COL5A2: variants seen among roughly 807,000 people sequenced by gnomAD.
COL5A2 encodes collagen alpha-2(V) chain.
A neutral mutation model predicts 208.2 loss-of-function variants in COL5A2; 23 were observed. The ratio of observed to expected loss-of-function variants is 0.11; its 90% confidence interval spans 0.08 to 0.16. The LOEUF is 0.16. Ranked by LOEUF, COL5A2 falls within the 10% of genes least tolerant of loss-of-function variation. The pLI is 1.00. For missense variants in COL5A2, 1,590 were observed against 1,956.4 expected (o/e 0.81, Z 3.53); for synonymous variants, 625 against 628.5 (o/e 0.99, Z 0.08).
chr2:189,150,919 C>A (rs1301256116), intron 1 of COL5A2, among the ~76,000 whole-genome samples: 2 of 152,098 alleles, frequency 1.3e-5, no homozygotes, highest in African/African-American at 2.4e-5. Flanking sequence ...CCATTGTATT[C>A]TCAGTTAGGT....
At chr2:189,303,502 T>C in the COL5A2 span, among the ~76,000 whole-genome samples, 1 of 152,308 alleles carries the variant, frequency 6.6e-6, no homozygotes, top group South Asian at 2.1e-4. Context: ...ACATGACTAA[T>C]ATTCCATACT....
In COL5A2 at chr2:189,062,972, C is replaced by T. The variant is rs758134404; in HGVS notation, c.1923+38G>A. 5.0e-6 allele frequency: 8 copies of T among 1,613,306 alleles called. No individual in the cohort carries two copies. In the South Asian group the frequency reaches 8.8e-5, roughly 18 times the overall value. On this transcript the variant is annotated intron_variant, in intron 28 of 53. Coordinates refer to ENST00000374866, the MANE Select transcript of COL5A2 (RefSeq NM_000393.5). Reference sequence around the variant, plus strand: ...TGAGTCTATGATAATTTAAATAGTACCTACATTATTTTTCTTTAGCAGAAA... The same window carrying T: ...TGAGTCTATGATAATTTAAATAGTATCTACATTATTTTTCTTTAGCAGAAA...
intron 1 of COL5A2, among the ~76,000 whole-genome samples, chr2:189,190,667 C>T (rs1324568058): frequency 6.6e-6 from 1 of 152,130 alleles, no homozygotes; most frequent in Admixed American, 6.5e-5. Flanking sequence ...ATTTGGGACA[C>T]TGAAATTATC....
chr2:189,259,437 T>C, the COL5A2 span, among the ~76,000 whole-genome samples: 2 of 152,364 alleles, frequency 1.3e-5, no homozygotes, highest in Non-Finnish European at 2.9e-5. Context: ...GCCTCAATTT[T>C]AATTGACTTG....
At chr2:189,192,514 G>A (rs1265572991) in intron 1 of COL5A2, among the ~76,000 whole-genome samples, 1 of 152,046 alleles carries the variant, frequency 6.6e-6, no homozygotes, top group African/African-American at 2.4e-5. Flanking sequence ...TCCAAGTATT[G>A]TTACAGGAAC....
rs569726318 is a variant in COL5A2 at position 189,034,061 on chromosome 2, T to G, written c.*9A>C. 1.8e-5 allele frequency: 29 copies of G among 1,613,938 alleles called. 1 individual carries two copies. In the East Asian group the frequency reaches 2.7e-4, roughly 15 times the overall value. On this transcript the variant is annotated 3_prime_UTR_variant, in exon 54 of 54. Transcript: ENST00000374866. ...GGTGGTGCTCATTGTCGATGTGTCT[T>G]GGCTTACTTTACACAAAACAAACTG...
chr2:189,288,939 A>G, the COL5A2 span, among the ~76,000 whole-genome samples: 4 of 152,358 alleles, frequency 2.6e-5, no homozygotes, highest in South Asian at 4.1e-4. Flanking sequence ...ACATTAACAT[A>G]ATGAATGACT....
Position 189,211,719 on chromosome 2 carries a change from T to C in COL5A2, c.-42+13429A>G, listed in dbSNP as rs1010711822. ...ATTTCAAATTAACAAAGATTAAAAA[T>C]GAAAATACTCAGGGGGGAGGGAGCC... On this transcript the variant is annotated intron_variant, in intron 1 of 10. Transcript: ENST00000649966. Among the ~76,000 whole-genome samples, 9 of 152,134 alleles carry C rather than the reference T, an allele frequency of 5.9e-5. No individual in the cohort carries two copies. In the East Asian group the frequency reaches 1.7e-3, roughly 29 times the overall value.
chr2:189,046,179 T>G (rs1314873735), intron 45 of COL5A2, among the ~76,000 whole-genome samples: 1 of 152,134 alleles, frequency 6.6e-6, no homozygotes, highest in Non-Finnish European at 1.5e-5. Flanking sequence ...ATAGGAGTGA[T>G]CACCTCCAGA....
At chr2:189,155,846 C>G (rs2105794123) in intron 1 of COL5A2, among the ~76,000 whole-genome samples, 1 of 152,224 alleles carries the variant, frequency 6.6e-6, no homozygotes, top group African/African-American at 2.4e-5. Flanking sequence ...ATTGACAGGG[C>G]TGCACCCCTT....
the COL5A2 span, among the ~76,000 whole-genome samples, chr2:189,252,904 A>G: frequency 0.011 from 1,610 of 152,278 alleles, 33 homozygotes; most frequent in African/African-American, 0.036. Context: ...AGATGATGGG[A>G]CTGTGAAGGA....
At chr2:189,342,988 T>C in the COL5A2 span, among the ~76,000 whole-genome samples, 32 of 152,190 alleles carry the variant, frequency 2.1e-4, no homozygotes, top group Admixed American at 4.6e-4. Context: ...GCTTTAACTA[T>C]GAGCAATGTT....
the COL5A2 span, among the ~76,000 whole-genome samples, chr2:189,393,948 T>C: frequency 6.6e-6 from 1 of 152,190 alleles, no homozygotes; most frequent in Non-Finnish European, 1.5e-5. Flanking sequence ...TAACTTTCAT[T>C]TCTTCTCAGC....
At chr2:189,411,621 T>C in the COL5A2 span, among the ~76,000 whole-genome samples, 2 of 151,294 alleles carry the variant, frequency 1.3e-5, no homozygotes, top group East Asian at 3.9e-4. Context: ...TTTGGAACTA[T>C]AGCAGTAAGA....
intron 9 of COL5A2, 106 bp from the exon 10 acceptor site, chr2:189,085,878 T>C (rs1428910956): frequency 2.2e-6 from 2 of 906,602 alleles, no homozygotes; most frequent in African/African-American, 1.6e-5. Context: ...GGCTCTGCCA[T>C]CTTCCAGCTG....
At chr2:189,378,727 A>G in the COL5A2 span, among the ~76,000 whole-genome samples, 1 of 96,738 alleles carries the variant, frequency 1.0e-5, no homozygotes, top group South Asian at 3.5e-4. Flanking sequence ...CCGTCTCAAC[A>G]AAAAAAAAAA....
chr2:189,068,051 C>T lies in COL5A2; in HGVS notation c.1365G>A (p.Gln455=), dbSNP rs1200615943. Residue 455 remains glutamine (Q), a synonymous_variant, in exon 21 of 54, where the codon CAG becomes CAA. Transcript: ENST00000374866. ...SAGPPGSPGP[Q]GSTGPQGIRG... is the part of the protein sequence containing the mutation. Reference sequence around the variant, plus strand: ...GAATTCCCTGAGGACCAGTGCTACCCTGAGGTCCTGGAGATCCAGGAGGCC... The same window carrying T: ...GAATTCCCTGAGGACCAGTGCTACCTTGAGGTCCTGGAGATCCAGGAGGCC... The T allele has an allele frequency of 1.9e-6, 3 of 1,613,952 alleles. No homozygotes were observed. Among genetic ancestry groups the T allele is most frequent in the Non-Finnish European group, 1.7e-6 (2 of 1,180,004 alleles).
At chr2:189,377,556 A>G in the COL5A2 span, among the ~76,000 whole-genome samples, 3 of 152,366 alleles carry the variant, frequency 2.0e-5, no homozygotes, top group African/African-American at 7.2e-5. Flanking sequence ...TAAATGTTTG[A>G]ATAAATCATA....
chr2:189,428,489 G>A, the COL5A2 span, among the ~76,000 whole-genome samples: 2 of 152,014 alleles, frequency 1.3e-5, no homozygotes, highest in South Asian at 2.1e-4. Flanking sequence ...GTGGTGGCAC[G>A]CACCTGTAGT....
Sources: gnomAD v4.1 joint callset for allele counts (sites outside exome capture counted in the v4.1 genomes callset) on GRCh38, gnomAD v4.1.1 for gene constraint, MANE v1.5 for transcripts, NCBI Gene and HGNC (gene_info 2026-07-23, HGNC 2026-07-21) for gene names.